Variants in POU6F2 observed in about 807,000 individuals in gnomAD.
POU6F2 encodes POU domain, class 6, transcription factor 2.
In POU6F2, 31 loss-of-function variants were observed where a neutral mutation model predicts 71.3. The ratio of observed to expected loss-of-function variants is 0.43; its 90% CI spans 0.33 to 0.59. The LOEUF (loss-of-function observed/expected upper bound fraction) is 0.59. Ranked by LOEUF, POU6F2 falls within the 20% of genes least tolerant of loss-of-function variation. The pLI, the probability that POU6F2 is intolerant of heterozygous loss-of-function variation, is 0.04. For missense variants in POU6F2, 783 were observed against 856.8 expected (o/e 0.91, Z 1.07); for synonymous variants, 347 against 355.7 (o/e 0.98, Z 0.27).
intron 2 of POU6F2, among the ~76,000 whole-genome samples, chr7:39,109,360 GA>G (rs1341458781): frequency 6.6e-6 from 1 of 152,146 alleles, no homozygotes; most frequent in East Asian, 1.9e-4. Context: ...AATGAAGTAA[GA>G]ATAATTCCAT....
chr7:39,394,755 T>C (rs1422471879), intron 5 of POU6F2, among the ~76,000 whole-genome samples: 1 of 152,142 alleles, frequency 6.6e-6, no homozygotes, highest in Non-Finnish European at 1.5e-5. Flanking sequence ...TATCAGTTCT[T>C]TTGTGAAGCA....
chr7:39,121,324 C>T (rs1342190748), intron 2 of POU6F2, among the ~76,000 whole-genome samples: 3 of 152,124 alleles, frequency 2.0e-5, no homozygotes, highest in Non-Finnish European at 4.4e-5. Context: ...AATAATAATC[C>T]ATGTTACATT....
At chr7:38,993,227 A>G (rs76442698) in intron 1 of POU6F2, among the ~76,000 whole-genome samples, 1 of 151,908 alleles carries the variant, frequency 6.6e-6, no homozygotes, top group Admixed American at 6.6e-5. Context: ...ATACATATAC[A>G]TATATTCCTA....
chr7:39,435,004 G>A (rs537350085), intron 7 of POU6F2, among the ~76,000 whole-genome samples: 1 of 152,260 alleles, frequency 6.6e-6, no homozygotes, highest in East Asian at 1.9e-4. Flanking sequence ...TGGTGTATAT[G>A]TACCACATTT....
chr7:39,079,314 G>A (rs1471914078), intron 1 of POU6F2, among the ~76,000 whole-genome samples: 1 of 149,838 alleles, frequency 6.7e-6, no homozygotes, highest in Non-Finnish European at 1.5e-5. Flanking sequence ...TTAGCCTCCC[G>A]AGTAGCTGGG....
At chr7:39,388,095 A>G (rs1373367580) in intron 5 of POU6F2, among the ~76,000 whole-genome samples, 1 of 152,196 alleles carries the variant, frequency 6.6e-6, no homozygotes, top group Non-Finnish European at 1.5e-5. Context: ...ATAAAAAGAG[A>G]ATGGAGAGGT....
chr7:39,217,093 T>G (rs900989563), intron 4 of POU6F2, among the ~76,000 whole-genome samples: 7 of 152,200 alleles, frequency 4.6e-5, no homozygotes, highest in South Asian at 2.1e-4. Flanking sequence ...GAAGGCCATA[T>G]CCACAACATA....
At chr7:39,004,492 A>G (rs1789001327) in intron 1 of POU6F2, among the ~76,000 whole-genome samples, 1 of 152,212 alleles carries the variant, frequency 6.6e-6, no homozygotes, top group African/African-American at 2.4e-5. Context: ...GGACAAGCCC[A>G]GTGAATGAGC....
intron 2 of POU6F2, among the ~76,000 whole-genome samples, chr7:39,146,469 G>T (rs918144702): frequency 4.6e-5 from 7 of 152,130 alleles, no homozygotes; most frequent in Non-Finnish European, 8.8e-5. Flanking sequence ...ATTAGATTTG[G>T]TTTTACAATG....
intron 2 of POU6F2, among the ~76,000 whole-genome samples, chr7:39,151,870 G>A (rs947928932): frequency 5.3e-5 from 8 of 152,126 alleles, no homozygotes; most frequent in Non-Finnish European, 1.0e-4. Flanking sequence ...TAAGGAAGGG[G>A]ACCGCTGGTA....
chr7:39,062,438 T>C (rs1480825504), intron 1 of POU6F2, among the ~76,000 whole-genome samples: 1 of 151,602 alleles, frequency 6.6e-6, no homozygotes, highest in Non-Finnish European at 1.5e-5. Context: ...TTACCTTTTA[T>C]ATACAGTTAG....
At chr7:39,194,320 C>G (rs1025361252) in intron 2 of POU6F2, among the ~76,000 whole-genome samples, 1 of 152,196 alleles carries the variant, frequency 6.6e-6, no homozygotes, top group Admixed American at 6.5e-5. Context: ...GTCTTGAGAT[C>G]GAGAACACAT....
intron 4 of POU6F2, among the ~76,000 whole-genome samples, chr7:39,224,050 G>A (rs971800064): frequency 3.3e-5 from 5 of 152,106 alleles, no homozygotes; most frequent in South Asian, 2.1e-4. Flanking sequence ...ACCAGCAAGC[G>A]TTTGACATTT....
intron 2 of POU6F2, among the ~76,000 whole-genome samples, chr7:39,142,049 T>C (rs1207397543): frequency 1.3e-5 from 2 of 152,054 alleles, no homozygotes; most frequent in Admixed American, 1.3e-4. Flanking sequence ...ATCGTGCCAC[T>C]GTACTCCAGC....
At chr7:39,052,572 A>G (rs532021446) in intron 1 of POU6F2, among the ~76,000 whole-genome samples, 7 of 152,206 alleles carry the variant, frequency 4.6e-5, no homozygotes, top group Admixed American at 3.9e-4. Flanking sequence ...CCATGATCCA[A>G]TTACCTTCAC....
intron 1 of POU6F2, among the ~76,000 whole-genome samples, chr7:38,994,167 T>G (rs1446096898): frequency 6.6e-6 from 1 of 152,198 alleles, no homozygotes; most frequent in Non-Finnish European, 1.5e-5. Flanking sequence ...CTACCTGATG[T>G]GCCTGAGTGA....
At chr7:39,180,198 G>A (rs1046306181) in intron 2 of POU6F2, among the ~76,000 whole-genome samples, 3 of 152,166 alleles carry the variant, frequency 2.0e-5, no homozygotes, top group Non-Finnish European at 4.4e-5. Context: ...ACGCCCAGGT[G>A]TGTATCCATG....
At chr7:39,064,686 A>C (rs909783957) in intron 1 of POU6F2, among the ~76,000 whole-genome samples, 6 of 151,934 alleles carry the variant, frequency 3.9e-5, no homozygotes, top group Non-Finnish European at 8.8e-5. Flanking sequence ...CTTTGCATTA[A>C]AAATATGACA....
chr7:39,031,526 G>C (rs1023141368), intron 1 of POU6F2, among the ~76,000 whole-genome samples: 2 of 152,018 alleles, frequency 1.3e-5, no homozygotes, highest in African/African-American at 4.8e-5. Flanking sequence ...TTACCCACCA[G>C]CCTTCATTTC....
Sources: allele counts gnomAD v4.1 joint callset (sites outside exome capture counted in the v4.1 genomes callset), GRCh38; gene constraint gnomAD v4.1.1; transcripts MANE v1.5; gene names NCBI Gene and HGNC (gene_info 2026-07-23, HGNC 2026-07-21).